Variants in PBX1 observed in about 807,000 individuals in gnomAD.
PBX1 encodes the protein PBX homeobox 1.
Under a neutral mutation model 53.4 loss-of-function variants are expected in PBX1, and 6 were observed. The observed-to-expected ratio is 0.11, with a 90% CI of 0.06 to 0.22. The LOEUF (loss-of-function observed/expected upper bound fraction) is 0.22, where lower values mean the gene tolerates loss of function less well. PBX1 is among the 10% of genes least tolerant of loss of function. PBX1 has a pLI of 1.00. For missense variants in PBX1, 251 were observed against 551.4 expected (o/e 0.46, Z 5.46); for synonymous variants, 204 against 212.3 (o/e 0.96, Z 0.34).
At chr1:164,744,935 G>A (rs528400307) in intron 2 of PBX1, among the ~76,000 whole-genome samples, 2 of 152,176 alleles carry the variant, frequency 1.3e-5, no homozygotes, top group East Asian at 1.9e-4. Context: ...TTGATTGCCC[G>A]TCACCTGCCA....
intron 3 of PBX1, among the ~76,000 whole-genome samples, chr1:164,794,354 C>A (rs1460760207): frequency 6.6e-6 from 1 of 152,066 alleles, no homozygotes; most frequent in Non-Finnish European, 1.5e-5. Context: ...TTACTGCACT[C>A]CTATCTACCT....
At chr1:164,772,799 TACTTA>T (rs1225591036) in intron 2 of PBX1, 1 of 152,276 alleles carries the variant, frequency 6.6e-6, no homozygotes, top group African/African-American at 2.4e-5. Context: ...TTGCTGGCAG[TACTTA>T]GCATTTAGGC....
At chr1:164,564,582 A>T (rs1653297790) in intron 2 of PBX1, among the ~76,000 whole-genome samples, 1 of 152,130 alleles carries the variant, frequency 6.6e-6, no homozygotes, top group African/African-American at 2.4e-5. Flanking sequence ...TGTTGTGCAT[A>T]ACATTCTAGA....
chr1:164,761,031 C>T (rs987117223), intron 2 of PBX1, among the ~76,000 whole-genome samples: 1 of 152,176 alleles, frequency 6.6e-6, no homozygotes, highest in African/African-American at 2.4e-5. Context: ...CTGCCCCCAC[C>T]CATCTTTTTC....
intron 2 of PBX1, among the ~76,000 whole-genome samples, chr1:164,746,255 C>T (rs974543288): frequency 1.6e-4 from 24 of 152,272 alleles, no homozygotes; most frequent in Admixed American, 3.9e-4. Context: ...GTACCTCACT[C>T]GCAAGTCTCA....
chr1:164,617,115 CT>C (rs1348401128), intron 2 of PBX1, among the ~76,000 whole-genome samples: 1 of 152,164 alleles, frequency 6.6e-6, no homozygotes, highest in East Asian at 1.9e-4. Context: ...TGGCCATGTG[CT>C]GGTGCCTTTA....
At chr1:164,717,852 TAAG>T (rs978403873) in intron 2 of PBX1, among the ~76,000 whole-genome samples, 2 of 152,186 alleles carry the variant, frequency 1.3e-5, no homozygotes, top group African/African-American at 4.8e-5. Context: ...TGTTCTTCAC[TAAG>T]AAGTAGTACC....
At chr1:164,724,949 A>T (rs1664620377) in intron 2 of PBX1, among the ~76,000 whole-genome samples, 1 of 151,680 alleles carries the variant, frequency 6.6e-6, no homozygotes, top group Non-Finnish European at 1.5e-5. Flanking sequence ...GGATCCCTTT[A>T]TTGTCTTTTT....
chr1:164,595,485 G>A (rs1165538766), intron 2 of PBX1, among the ~76,000 whole-genome samples: 1 of 151,472 alleles, frequency 6.6e-6, no homozygotes, highest in Non-Finnish European at 1.5e-5. Flanking sequence ...CACCTGGCTA[G>A]TTGATGATGG....
chr1:164,751,880 C>T (rs1666247338), intron 2 of PBX1, among the ~76,000 whole-genome samples: 1 of 152,184 alleles, frequency 6.6e-6, no homozygotes, highest in East Asian at 1.9e-4. Flanking sequence ...CCACGCCCGG[C>T]CAGTTTATTG....
At chr1:164,822,295 C>T (rs959509975) in intron 8 of PBX1, among the ~76,000 whole-genome samples, 5 of 152,024 alleles carry the variant, frequency 3.3e-5, no homozygotes, top group African/African-American at 1.2e-4. Flanking sequence ...TTCTCAGCAG[C>T]GGTGACAGCA....
chr1:164,814,089 A>G (rs774417622), intron 6 of PBX1: 1 of 152,230 alleles, frequency 6.6e-6, no homozygotes, highest in African/African-American at 2.4e-5. Flanking sequence ...TATGTGTGCA[A>G]TAGCATGGAA....
chr1:164,619,774 A>C (rs1378334925), intron 2 of PBX1, among the ~76,000 whole-genome samples: 1 of 152,226 alleles, frequency 6.6e-6, no homozygotes, highest in East Asian at 1.9e-4. Flanking sequence ...GGTTAAAAAA[A>C]ATCCTGTTTT....
At chr1:164,865,162 T>G (rs1367413689) in intron 2 of PBX1, among the ~76,000 whole-genome samples, 1 of 152,220 alleles carries the variant, frequency 6.6e-6, no homozygotes, top group Non-Finnish European at 1.5e-5. Context: ...TGATTCCCAT[T>G]CTGCAGGTGA....
At chr1:164,703,014 A>T (rs549775085) in intron 2 of PBX1, 3 of 90,310 alleles carry the variant, frequency 3.3e-5, no homozygotes, top group Admixed American at 9.6e-5. Flanking sequence ...GTCTATTATT[A>T]AAAAAAAAGA....
At chr1:164,864,898 A>C (rs895668434) in intron 2 of PBX1, among the ~76,000 whole-genome samples, 1 of 152,200 alleles carries the variant, frequency 6.6e-6, no homozygotes, top group Admixed American at 6.5e-5. Context: ...AGAGATCTGC[A>C]CTGATAAATC....
intron 2 of PBX1, among the ~76,000 whole-genome samples, chr1:164,766,424 C>G (rs1163968737): frequency 1.3e-5 from 2 of 152,144 alleles, no homozygotes; most frequent in Admixed American, 6.5e-5. Context: ...ATCATCATCA[C>G]CCCTGCTTTA....
chr1:164,792,628 G>T lies in PBX1; in HGVS notation c.400G>T (p.Ala134Ser). Residue 134 changes from alanine (A) to serine (S), a missense_variant, in exon 3 of 9, where the codon GCG becomes TCG. Transcript: ENST00000420696. ...GGSAAAAAAA[A>S]ASGGAGSDNS... ...GTCGGCGGCAGCGGCGGCAGCGGCG[G>T]CGGCTTCTGGAGGGGCAGGTTCAGA... 1 of 1,613,830 alleles carries T rather than the reference G, an allele frequency of 6.2e-7. No individual in the cohort carries two copies. The highest frequency in any genetic ancestry group is 1.1e-5 in the South Asian group (1 of 91,062).
chr1:164,573,956 TC>T (rs984095763), intron 2 of PBX1, among the ~76,000 whole-genome samples: 1 of 152,188 alleles, frequency 6.6e-6, no homozygotes, highest in African/African-American at 2.4e-5. Context: ...ACATGGTTGT[TC>T]CCCACTCAAA....
Sources: gnomAD v4.1 joint callset for allele counts (sites outside exome capture counted in the v4.1 genomes callset) on GRCh38, gnomAD v4.1.1 for gene constraint, MANE v1.5 for transcripts, NCBI Gene and HGNC (gene_info 2026-07-23, HGNC 2026-07-21) for gene names.